CHST11: variants seen among roughly 807,000 people sequenced by gnomAD.
CHST11 encodes carbohydrate sulfotransferase 11.
A neutral mutation model predicts 30.4 loss-of-function variants in CHST11; 9 were observed. That is an observed-to-expected ratio of 0.30 (90% CI 0.18 to 0.52). The LOEUF (loss-of-function observed/expected upper bound fraction) is 0.52, where lower values mean the gene tolerates loss of function less well. CHST11 is among the 20% of genes least tolerant of loss of function. CHST11 has a pLI of 0.97. For missense variants in CHST11, 348 were observed against 460.6 expected (o/e 0.76, Z 2.24); for synonymous variants, 152 against 187.8 (o/e 0.81, Z 1.56).
chr12:104,619,022 AG>A (rs1414634765), intron 2 of CHST11, among the ~76,000 whole-genome samples: 10 of 152,346 alleles, frequency 6.6e-5, no homozygotes, highest in Admixed American at 6.5e-4. Flanking sequence ...AAATGGGCTG[AG>A]TCAATGCCTG....
At chr12:104,531,962 G>C (rs533787128) in intron 1 of CHST11, among the ~76,000 whole-genome samples, 1 of 152,226 alleles carries the variant, frequency 6.6e-6, no homozygotes, top group South Asian at 2.1e-4. Flanking sequence ...ATGGAGGCTA[G>C]AGGGATTAAG....
intron 1 of CHST11, among the ~76,000 whole-genome samples, chr12:104,584,196 A>G: frequency 6.6e-6 from 1 of 151,852 alleles, no homozygotes; most frequent in South Asian, 2.1e-4. Context: ...GAAGAATACT[A>G]TACAATGTGA....
At chr12:104,690,776 C>T (rs2039889818) in intron 2 of CHST11, among the ~76,000 whole-genome samples, 1 of 152,074 alleles carries the variant, frequency 6.6e-6, no homozygotes, top group South Asian at 2.1e-4. Context: ...TGCAGTGAGC[C>T]AGGATTGCAC....
chr12:104,715,920 A>G (rs908746455), intron 2 of CHST11, among the ~76,000 whole-genome samples: 1 of 152,190 alleles, frequency 6.6e-6, no homozygotes, highest in Non-Finnish European at 1.5e-5. Context: ...AACCTGACCT[A>G]TAGCAGTATT....
chr12:104,557,779 G>T (rs184132414), intron 1 of CHST11, among the ~76,000 whole-genome samples: 1 of 152,260 alleles, frequency 6.6e-6, no homozygotes, highest in African/African-American at 2.4e-5. Flanking sequence ...CTCACTGACC[G>T]CGGATTCTTC....
chr12:104,531,217 T>C (rs1445830413), intron 1 of CHST11, among the ~76,000 whole-genome samples: 1 of 152,048 alleles, frequency 6.6e-6, no homozygotes, highest in Non-Finnish European at 1.5e-5. Flanking sequence ...TGGGTGGGCA[T>C]GGTGGCTCAT....
At chr12:104,522,466 G>A (rs535546287) in intron 1 of CHST11, among the ~76,000 whole-genome samples, 5 of 152,284 alleles carry the variant, frequency 3.3e-5, no homozygotes, top group East Asian at 1.9e-4. Flanking sequence ...ATGTATTTAC[G>A]TGTATTGGTG....
intron 1 of CHST11, among the ~76,000 whole-genome samples, chr12:104,513,139 T>TGGGG (rs1565969846): frequency 3.4e-3 from 10 of 2,926 alleles, no homozygotes; most frequent in Non-Finnish European, 4.7e-3. Flanking sequence ...GGGGGGGGGT[T>TGGGG]GGGGGTGGGG....
chr12:104,643,180 G>T (rs959086840), intron 2 of CHST11, among the ~76,000 whole-genome samples: 48 of 151,788 alleles, frequency 3.2e-4, no homozygotes, highest in Non-Finnish European at 1.5e-5. Flanking sequence ...TAAAAAATTA[G>T]CTGGGCATGA....
chr12:104,612,561 G>A (rs961481846), intron 2 of CHST11, among the ~76,000 whole-genome samples: 1 of 152,184 alleles, frequency 6.6e-6, no homozygotes, highest in African/African-American at 2.4e-5. Flanking sequence ...AAGGTGCTGG[G>A]GTGAGAACTT....
chr12:104,736,632 A>C (rs936659528), intron 2 of CHST11, among the ~76,000 whole-genome samples: 1 of 152,198 alleles, frequency 6.6e-6, no homozygotes, highest in Non-Finnish European at 1.5e-5. Context: ...GACCCACTGC[A>C]CGTACAACTC....
intron 1 of CHST11, among the ~76,000 whole-genome samples, chr12:104,550,869 C>G (rs2038397491): frequency 6.6e-6 from 1 of 152,216 alleles, no homozygotes; most frequent in Non-Finnish European, 1.5e-5. Flanking sequence ...CTTTGAACTT[C>G]TCACTCAGTG....
chr12:104,466,140 A>G (rs1039817455), intron 1 of CHST11, among the ~76,000 whole-genome samples: 2 of 152,178 alleles, frequency 1.3e-5, no homozygotes, highest in South Asian at 2.1e-4. Context: ...GATTACAGGC[A>G]TAAGCCACCG....
At chr12:104,508,562 C>T (rs776228373) in intron 1 of CHST11, among the ~76,000 whole-genome samples, 3 of 152,274 alleles carry the variant, frequency 2.0e-5, no homozygotes, top group Middle Eastern at 3.4e-3. Flanking sequence ...ACCTTTTTAA[C>T]CTTGAGATGT....
chr12:104,610,292 G>A (rs965809707), intron 2 of CHST11, among the ~76,000 whole-genome samples: 2 of 152,078 alleles, frequency 1.3e-5, no homozygotes, highest in African/African-American at 4.8e-5. Context: ...TCATTGATTC[G>A]TCCACATTTA....
chr12:104,715,533 G>A (rs975593283), intron 2 of CHST11, among the ~76,000 whole-genome samples: 3 of 152,190 alleles, frequency 2.0e-5, no homozygotes, highest in East Asian at 1.9e-4. Flanking sequence ...CCAGCGATAC[G>A]GAGGTACTAT....
intron 1 of CHST11, among the ~76,000 whole-genome samples, chr12:104,574,018 A>G (rs550046701): frequency 2.0e-5 from 3 of 152,394 alleles, no homozygotes; most frequent in Admixed American, 2.0e-4. Flanking sequence ...TTACAAGAAA[A>G]AAACAAACAA....
intron 1 of CHST11, among the ~76,000 whole-genome samples, chr12:104,561,959 G>A (rs907095216): frequency 4.6e-5 from 7 of 152,084 alleles, no homozygotes; most frequent in African/African-American, 7.2e-5. Context: ...GAAGTCAGAG[G>A]AGGGATTGGA....
chr12:104,511,915 A>G (rs2037969485), intron 1 of CHST11, among the ~76,000 whole-genome samples: 1 of 152,204 alleles, frequency 6.6e-6, no homozygotes, highest in African/African-American at 2.4e-5. Flanking sequence ...AGTCAATGCT[A>G]TGAAATGGTA....
Sources: gnomAD v4.1 joint callset for allele counts (sites outside exome capture counted in the v4.1 genomes callset) on GRCh38, gnomAD v4.1.1 for gene constraint, MANE v1.5 for transcripts, NCBI Gene and HGNC (gene_info 2026-07-23, HGNC 2026-07-21) for gene names.